Variants in OR6N1 observed in about 807,000 individuals in gnomAD.
OR6N1 encodes olfactory receptor family 6 subfamily N member 1, also known as olfactory receptor 6N1.
For synonymous variants in OR6N1, 170 were observed against 150.7 expected (o/e 1.13, Z -0.94); for missense variants, 394 against 371.7 (o/e 1.06, Z -0.49).
the OR6N1 span, among the ~76,000 whole-genome samples, chr1:158,798,785 C>T: frequency 6.6e-6 from 1 of 152,208 alleles, no homozygotes; most frequent in East Asian, 1.9e-4. Flanking sequence ...GGAGAGATTT[C>T]AAATGTCTTA....
chr1:158,795,029 G>T, the OR6N1 span, among the ~76,000 whole-genome samples: 1 of 152,202 alleles, frequency 6.6e-6, no homozygotes, highest in Non-Finnish European at 1.5e-5. Flanking sequence ...AGCCAGGCGG[G>T]GGGCTGAGCC....
chr1:158,767,286 G>A (rs569600513), intron 1 of OR6N1, among the ~76,000 whole-genome samples: 132 of 152,134 alleles, frequency 8.7e-4, no homozygotes, highest in Non-Finnish European at 1.7e-3. Context: ...GACCTCTTTT[G>A]GACACTGGTG....
chr1:158,816,027 G>A, the OR6N1 span, among the ~76,000 whole-genome samples: 5 of 151,804 alleles, frequency 3.3e-5, no homozygotes, highest in Admixed American at 6.6e-5. Context: ...GTATGGTGGC[G>A]GGCACCTAAA....
At chr1:158,816,513 G>T in the OR6N1 span, among the ~76,000 whole-genome samples, 1 of 152,140 alleles carries the variant, frequency 6.6e-6, no homozygotes, top group African/African-American at 2.4e-5. Context: ...AACAAAGCAA[G>T]ACCCTGTCCT....
chr1:158,797,230 G>A, the OR6N1 span, among the ~76,000 whole-genome samples: 2 of 152,168 alleles, frequency 1.3e-5, no homozygotes, highest in Admixed American at 1.3e-4. Context: ...ACCTTTCTGT[G>A]TGTTGAGGCA....
the OR6N1 span, among the ~76,000 whole-genome samples, chr1:158,811,863 T>C: frequency 7.9e-5 from 12 of 152,208 alleles, no homozygotes; most frequent in Admixed American, 2.0e-4. Flanking sequence ...GAAAAGATGA[T>C]ATTTTGTTTG....
the OR6N1 span, among the ~76,000 whole-genome samples, chr1:158,796,881 T>TA: frequency 1.6e-5 from 2 of 123,308 alleles, no homozygotes; most frequent in South Asian, 4.5e-4. Context: ...CAACTTACCT[T>TA]TTTTTTTTTT....
chr1:158,811,105 G>A, the OR6N1 span, among the ~76,000 whole-genome samples: 2 of 152,092 alleles, frequency 1.3e-5, no homozygotes, highest in Non-Finnish European at 2.9e-5. Context: ...TCAACATTTA[G>A]CTCCCACTTA....
At chr1:158,804,138 G>T in the OR6N1 span, among the ~76,000 whole-genome samples, 1 of 152,330 alleles carries the variant, frequency 6.6e-6, no homozygotes, top group African/African-American at 2.4e-5. Flanking sequence ...GCAACAAAGC[G>T]TTATCTGATT....
At chr1:158,776,822 G>A (rs77219835), upstream of OR6N1, 448 of 1,614,006 alleles carry the variant, frequency 2.8e-4, no homozygotes, top group African/African-American at 5.2e-3. Flanking sequence ...GCAAGTGTTC[G>A]GTCAAGGGTC....
the OR6N1 span, among the ~76,000 whole-genome samples, chr1:158,799,859 T>C: frequency 6.6e-6 from 1 of 152,124 alleles, no homozygotes; most frequent in East Asian, 1.9e-4. Context: ...TGTCTACAGA[T>C]ATGAGTTACT....
rs777747557 is a variant in OR6N1 at position 158,766,214 on chromosome 1, C to T, written c.469G>A (p.Val157Ile). The T allele has an allele frequency of 5.0e-6, 8 of 1,614,014 alleles. No homozygotes were observed. The Admixed American group carries it at 6.7e-5, about 13-fold the overall frequency. Residue 157 changes from valine to isoleucine, a missense_variant, in exon 2 of 2, where the codon GTA becomes ATA. Transcript: ENST00000641846. The stretch of plus-strand genomic sequence containing the variant: ...CGTGAAATCAAGGAAATTTCAACTA[C>T]TGGCCCAGCCAAGCCTCCCAACCAA... ...GCWLGGLAGPVVEISLISRLP... is the reference protein window; with the variant it reads ...GCWLGGLAGPIVEISLISRLP...
At chr1:158,830,706 C>A in the OR6N1 span, among the ~76,000 whole-genome samples, 14 of 152,108 alleles carry the variant, frequency 9.2e-5, no homozygotes, top group Non-Finnish European at 2.1e-4. Context: ...ACCAACTATC[C>A]ATAAATAATG....
the OR6N1 span, among the ~76,000 whole-genome samples, chr1:158,805,768 C>T: frequency 6.6e-6 from 1 of 152,100 alleles, no homozygotes; most frequent in African/African-American, 2.4e-5. Context: ...AAGAGGGGAA[C>T]TCAATCTCTA....
the OR6N1 span, among the ~76,000 whole-genome samples, chr1:158,790,105 A>C: frequency 3.9e-5 from 6 of 152,272 alleles, no homozygotes; most frequent in African/African-American, 1.2e-4. Flanking sequence ...TTCTTCCCTC[A>C]ATGTATGTTC....
At chr1:158,792,487 T>A in the OR6N1 span, among the ~76,000 whole-genome samples, 1 of 152,204 alleles carries the variant, frequency 6.6e-6, no homozygotes, top group Non-Finnish European at 1.5e-5. Context: ...TTATAAGCCC[T>A]TTAGGAGTTT....
At chr1:158,798,965 T>C in the OR6N1 span, among the ~76,000 whole-genome samples, 35 of 152,266 alleles carry the variant, frequency 2.3e-4, no homozygotes, top group East Asian at 6.6e-3. Context: ...GTGCTACATA[T>C]GCCCAGTTCC....
intron 1 of OR6N1, among the ~76,000 whole-genome samples, chr1:158,770,250 T>C (rs922879960): frequency 6.6e-6 from 1 of 152,210 alleles, no homozygotes; most frequent in African/African-American, 2.4e-5. Flanking sequence ...CTATACATTG[T>C]ATCATCACTC....
At chr1:158,807,003 C>CAAAAA in the OR6N1 span, among the ~76,000 whole-genome samples, 4 of 72,894 alleles carry the variant, frequency 5.5e-5, no homozygotes, top group South Asian at 5.2e-4. Flanking sequence ...GACGTCATCT[C>CAAAAA]AAAAAAAAAA....
Sources: gnomAD v4.1 joint callset for allele counts (sites outside exome capture counted in the v4.1 genomes callset) on GRCh38, gnomAD v4.1.1 for gene constraint, MANE v1.5 for transcripts, NCBI Gene and HGNC (gene_info 2026-07-23, HGNC 2026-07-21) for gene names.